Variants in ALDOB observed in about 807,000 individuals in gnomAD.
ALDOB encodes aldolase, fructose-bisphosphate B.
ALDOB carries 39 observed loss-of-function variants against 41.0 expected under a neutral mutation model. That is an observed-to-expected ratio of 0.95 (90% CI 0.74 to 1.24). The LOEUF (loss-of-function observed/expected upper bound fraction) is 1.24. Among genes scored for constraint, ALDOB ranks in the 50% most tolerant of loss-of-function variants. The probability of loss-of-function intolerance (pLI) is 0.00; values close to 1 mark genes in which losing one functional copy is unlikely to be tolerated. For missense variants in ALDOB, 530 were observed against 457.3 expected (o/e 1.16, Z -1.45); for synonymous variants, 175 against 168.8 (o/e 1.04, Z -0.28).
At position 101,433,119 on chromosome 9, in the gene ALDOB, C is replaced by A. The variant is rs1418179068; in HGVS notation, c.-10-2222G>T. 3.3e-5 allele frequency among the ~76,000 whole-genome samples: 5 copies of A among 152,132 alleles called. No individual in the cohort carries two copies. In the South Asian group the frequency reaches 1.0e-3, roughly 32 times the overall value. Reference sequence around the variant, plus strand: ...TAACTCAAATGCCATCTATGAGCACCCTGCTCATTGTAGTTGCTCAAAATA... The same window carrying A: ...TAACTCAAATGCCATCTATGAGCACACTGCTCATTGTAGTTGCTCAAAATA... On this transcript the variant is annotated intron_variant, in intron 1 of 8. Coordinates refer to ENST00000647789, the MANE Select transcript of ALDOB (RefSeq NM_000035.4).
At chr9:101,428,368 C>T in intron 4 of ALDOB, 101 bp downstream of exon 4, 6 of 1,073,774 alleles carry the variant, frequency 5.6e-6, no homozygotes, top group Non-Finnish European at 8.7e-6. Flanking sequence ...GCTCTAAGAC[C>T]AGTGTAATAG....
intron 1 of ALDOB, among the ~76,000 whole-genome samples, chr9:101,433,934 A>AT (rs199989340): frequency 0.23 from 33,985 of 147,262 alleles, 4,553 homozygotes; most frequent in Non-Finnish European, 0.32. Flanking sequence ...ATGCCCAGCT[A>AT]TTTTTTTTTT....
rs769557730 is a variant in ALDOB at position 101,427,654 on chromosome 9, A to C, written c.380-12T>G. ...GAGGCCATCAAGCCCTGCAAGTCAC[A>C]AAAGAGAGAAAGGCTTCTTTGTACC... is the stretch of plus-strand genomic sequence containing the variant. On this transcript the variant is annotated splice_polypyrimidine_tract_variant and intron_variant, in intron 4 of 8. Transcript: ENST00000647789. 5.0e-6 allele frequency: 8 copies of C among 1,613,848 alleles called. No homozygotes were observed.
rs1486198984 is a variant in ALDOB at position 101,425,615 on chromosome 9, C to T, written c.637G>A (p.Val213Ile). The change falls in exon 7 of 9, where the codon GTC becomes ATC. Residue 213 changes from valine to isoleucine, a missense_variant. Val to Ile is a conservative substitution (Grantham distance 29). Transcript: ENST00000647789. ...QYVTEKVLAA[V>I]YKALNDHHVY... ...TGATGGTCATTCAGGGCCTTGTAGA[C>T]AGCAGCCAGGACCTGAAGGACAAGA... 2 of 1,613,982 alleles carry T rather than the reference C, an allele frequency of 1.2e-6. No individual in the cohort carries two copies. The highest frequency in any genetic ancestry group is 1.3e-5 in the African/African-American group (1 of 74,906).
intron 1 of ALDOB, among the ~76,000 whole-genome samples, chr9:101,431,739 G>T (rs1047019204): frequency 1.3e-5 from 2 of 152,166 alleles, no homozygotes; most frequent in African/African-American, 2.4e-5. Flanking sequence ...CTCACTTTGG[G>T]TGTTACAAAG....
chr9:101,427,822 A>G (rs1831154219), intron 4 of ALDOB, among the ~76,000 whole-genome samples, 180 bp from the exon 5 acceptor site: 1 of 152,224 alleles, frequency 6.6e-6, no homozygotes, highest in Non-Finnish European at 1.5e-5. Flanking sequence ...TAGATTTAAT[A>G]AATAGTGTTT....
chr9:101,425,378 G>A (rs1320617718), intron 7 of ALDOB, 75 bp downstream of exon 7: 3 of 1,551,600 alleles, frequency 1.9e-6, no homozygotes, highest in East Asian at 2.2e-5. Flanking sequence ...GCAGATTTCT[G>A]GACAAACAGA....
intron 6 of ALDOB, among the ~76,000 whole-genome samples, chr9:101,426,007 A>C (rs1164007987): frequency 6.6e-6 from 1 of 152,174 alleles, no homozygotes; most frequent in Non-Finnish European, 1.5e-5. Context: ...CCATGTTTAC[A>C]GAAGCTGAGT....
Position 101,428,503 on chromosome 9 carries a change from A to G in ALDOB, c.345T>C (p.Pro115=). 6.2e-7 allele frequency: 1 copy of G among 1,614,044 alleles called. No individual in the cohort carries two copies. The highest frequency in any genetic ancestry group is 8.5e-7 in the Non-Finnish European group (1 of 1,179,892). ...TGGTTTCTTTGTTTGTTCCTGCAAG[A>G]GGAGCACCTCCTTGGTCTAACTGTG... The part of the protein sequence containing the change: ...VGIKLDQGGA[P]LAGTNKETTI... Residue 115 remains proline (P), a synonymous_variant, in exon 4 of 9, where the codon CCT becomes CCC. Coordinates refer to ENST00000647789, the MANE Select transcript of ALDOB (RefSeq NM_000035.4).
chr9:101,431,175 A>G (rs1215094056), intron 1 of ALDOB, among the ~76,000 whole-genome samples: 1 of 152,248 alleles, frequency 6.6e-6, no homozygotes, highest in African/African-American at 2.4e-5. Flanking sequence ...ACACTGAACC[A>G]GCTAATTAGT....
At position 101,425,502 on chromosome 9, in the gene ALDOB, A is replaced by T. The variant is rs150644101; in HGVS notation, c.750T>A (p.Ala250=). 9 of 1,614,188 alleles carry T rather than the reference A, an allele frequency of 5.6e-6. No homozygotes were observed. The highest frequency in any genetic ancestry group is 7.6e-6 in the Non-Finnish European group (9 of 1,180,044). ...GGTGGAGAGCTGTTACGGTGGCCATAGCTACTTGTTCTGGAGTATACTTCT... is the reference window on the plus strand; with the variant it reads ...GGTGGAGAGCTGTTACGGTGGCCATTGCTACTTGTTCTGGAGTATACTTCT... The part of the protein sequence containing the change: ...CTKKYTPEQV[A]MATVTALHRT... The change falls in exon 7 of 9, where the codon GCT becomes GCA. Residue 250 remains alanine, a synonymous_variant. Transcript: ENST00000647789.
Position 101,421,430 on chromosome 9 carries a change from C to T in ALDOB, c.*379G>A, listed in dbSNP as rs1219924532. On this transcript the variant is annotated 3_prime_UTR_variant, in exon 9 of 9. Transcript: ENST00000647789. ...TTGGTTGCAGCTATCTCCTTCCCAA[C>T]CTACCACTGCTAAGACTGTTTCATA... The T allele has an allele frequency of 1.5e-5, 5 of 322,920 alleles. No homozygotes were observed. The highest frequency in any genetic ancestry group is 4.3e-5 in the African/African-American group (2 of 46,576). 20.0% of individuals were successfully genotyped at this position (322,920 alleles called of 1,614,324 possible).
Position 101,424,857 on chromosome 9 carries a change from T to C in ALDOB, c.985A>G (p.Met329Val), listed in dbSNP as rs138115351. Reference sequence around the variant, plus strand: ...CAGCATCTTACCATGGCCCGCTTCATAAAAGCCTCCTGGGTTGCCTCCTTG... The same window carrying C: ...CAGCATCTTACCATGGCCCGCTTCACAAAAGCCTCCTGGGTTGCCTCCTTG... ...ANKEATQEAFMKRAMANCQAA... is the reference protein window; with the variant it reads ...ANKEATQEAFVKRAMANCQAA... Residue 329 changes from methionine to valine, a missense_variant, in exon 8 of 9, where the codon ATG becomes GTG. Physicochemically the swap from Met to Val is conservative, Grantham distance 21. Coordinates refer to ENST00000647789, the MANE Select transcript of ALDOB (RefSeq NM_000035.4). 5.0e-6 allele frequency: 8 copies of C among 1,613,198 alleles called. No homozygotes were observed. The South Asian group carries it at 7.7e-5, about 16-fold the overall frequency.
At position 101,429,753 on chromosome 9, in the gene ALDOB, A is replaced by T. The variant is rs1057516379; in HGVS notation, c.324+2T>A. 4 of 1,614,052 alleles carry T rather than the reference A, an allele frequency of 2.5e-6. No homozygotes were observed. Among genetic ancestry groups the T allele is most frequent in the Non-Finnish European group, 3.4e-6 (4 of 1,179,980 alleles). On this transcript the variant is annotated splice_donor_variant, in intron 3 of 8. Transcript: ENST00000647789. LOFTEE classifies it high-confidence loss of function. ...AAGTGAGGTGTGAATGGAGGTGTTC[A>T]CCTTGATTCCCACCACGATCCCCTT... is the stretch of plus-strand genomic sequence containing the variant.
chr9:101,425,314 G>A, intron 7 of ALDOB, 139 bp downstream of exon 7: 1 of 1,050,932 alleles, frequency 9.5e-7, no homozygotes, highest in Non-Finnish European at 1.4e-6. Context: ...TCTGAAGTGG[G>A]AGAAGAAGTG....
At chr9:101,433,237 T>C (rs755431312) in intron 1 of ALDOB, among the ~76,000 whole-genome samples, 9 of 152,194 alleles carry the variant, frequency 5.9e-5, no homozygotes, top group Non-Finnish European at 8.8e-5. Flanking sequence ...ATGAAAAAAA[T>C]CACCTAAGTG....
intron 5 of ALDOB, 48 bp from the exon 6 acceptor site, chr9:101,426,686 A>G: frequency 8.6e-7 from 1 of 1,163,636 alleles, no homozygotes; most frequent in South Asian, 1.2e-5. Context: ...GCTCACTGTT[A>G]TCCTTTCCTT....
intron 1 of ALDOB, among the ~76,000 whole-genome samples, chr9:101,431,438 G>T (rs976715089): frequency 2.0e-5 from 3 of 152,200 alleles, no homozygotes; most frequent in Non-Finnish European, 2.9e-5. Context: ...GGCTACAGAG[G>T]GTTGGGTGCA....
chr9:101,421,865 C>A lies in ALDOB; in HGVS notation c.1039G>T (p.Gly347Cys). 1 of 1,614,074 alleles carries A rather than the reference C, an allele frequency of 6.2e-7. No individual in the cohort carries two copies. Among genetic ancestry groups the A allele is most frequent in the South Asian group, 1.1e-5 (1 of 91,058 alleles). Residue 347 changes from glycine (G) to cysteine (C), a missense_variant, in exon 9 of 9, where the codon GGT becomes TGT. Coordinates refer to ENST00000647789, the MANE Select transcript of ALDOB (RefSeq NM_000035.4). ...QAAKGQYVHT[G>C]SSGAASTQSL... ...TGGGTGGAAGCAGCCCCAGAAGAAC[C>A]CGTGTGAACATACTGTCCTTTGGCC... is the stretch of plus-strand genomic sequence containing the variant.
Sources: allele counts gnomAD v4.1 joint callset (sites outside exome capture counted in the v4.1 genomes callset), GRCh38; gene constraint gnomAD v4.1.1; transcripts MANE v1.5; gene names NCBI Gene and HGNC (gene_info 2026-07-23, HGNC 2026-07-21).